The following ARFGAP1 variants were observed in gnomAD, a reference collection of about 807,000 sequenced individuals.
ARFGAP1 encodes the protein ADP-ribosylation factor GTPase-activating protein 1.
Under a neutral mutation model 54.0 loss-of-function variants are expected in ARFGAP1, and 26 were observed. The ratio of observed to expected loss-of-function variants is 0.48; its 90% CI spans 0.35 to 0.67. The LOEUF is 0.67. Among genes scored for constraint, ARFGAP1 ranks in the 30% least tolerant of loss-of-function variants. The probability of loss-of-function intolerance (pLI) is 0.00; values close to 1 mark genes in which losing one functional copy is unlikely to be tolerated. For missense variants in ARFGAP1, 525 were observed against 535.8 expected (o/e 0.98, Z 0.20); for synonymous variants, 248 against 211.9 (o/e 1.17, Z -1.48).
intron 9 of ARFGAP1, chr20:63,283,727 G>A (rs1316071003): frequency 9.5e-7 from 1 of 1,055,656 alleles, no homozygotes; most frequent in Non-Finnish European, 1.4e-6. Flanking sequence ...TTGTGTTGCT[G>A]AGAGCCTGCC....
Position 63,276,632 on chromosome 20 carries a change from C to G in ARFGAP1, c.323C>G (p.Ala108Gly). 6.2e-7 allele frequency: 1 copy of G among 1,611,704 alleles called. No individual in the cohort carries two copies. The highest frequency in any genetic ancestry group is 8.5e-7 in the Non-Finnish European group (1 of 1,178,832). ...CAGGAGAAGTACAACAGCAGAGCCG[C>G]GGCCCTCTTTAGGGATAAGGTAGAG... Reference protein sequence around the residue: ...SLQEKYNSRAAALFRDKVVAL... With the variant: ...SLQEKYNSRAGALFRDKVVAL... The change falls in exon 4 of 13, where the codon GCG becomes GGG. Residue 108 changes from alanine to glycine, a missense_variant. By Grantham distance (60) the Ala-to-Gly change is moderately conservative. Transcript: ENST00000370283. This position sits in a 1 kb window ranked among gnomAD's most constrained non-coding sequence, Gnocchi z 5.2.
At position 63,288,593 on chromosome 20, in the gene ARFGAP1, G is replaced by A. The variant is rs761248815; in HGVS notation, c.*720G>A. 6 of 444,276 alleles carry A rather than the reference G, an allele frequency of 1.4e-5. No individual in the cohort carries two copies. The highest frequency in any genetic ancestry group is 2.3e-5 in the Non-Finnish European group (5 of 218,326). The allele number at this position is 444,276 out of a possible 1,614,324, so 27.5% of individuals were successfully genotyped here. ...TTGACCATCCTGGAACACCCTGGAA[G>A]AAAAAGGAGCGCAGGGTGGGCCCTC... On this transcript the variant is annotated 3_prime_UTR_variant, in exon 13 of 13. Coordinates refer to ENST00000370283, the MANE Select transcript of ARFGAP1 (RefSeq NM_018209.4).
Position 63,284,312 on chromosome 20 carries a change from G to A in ARFGAP1, c.718-554G>A, listed in dbSNP as rs542158625. 2,286 of 1,091,408 alleles carry A rather than the reference G, an allele frequency of 2.1e-3. 2 individuals carry two copies. The highest frequency in any genetic ancestry group is 2.4e-3 in the Non-Finnish European group (2,148 of 894,730). 67.6% of individuals were successfully genotyped at this position (1,091,408 alleles called of 1,614,324 possible). On this transcript the variant is annotated intron_variant, in intron 9 of 12. Coordinates refer to ENST00000370283, the MANE Select transcript of ARFGAP1 (RefSeq NM_018209.4). Reference sequence around the variant, plus strand: ...TTCTTCCCTTTCCGGCCTTTGATCCGTGCTGCTCCCTGCCTTTGGGGGAAG... The same window carrying A: ...TTCTTCCCTTTCCGGCCTTTGATCCATGCTGCTCCCTGCCTTTGGGGGAAG...
At chr20:63,286,480 C>T in intron 12 of ARFGAP1, 38 bp downstream of exon 12, 1 of 1,592,344 alleles carries the variant, frequency 6.3e-7, no homozygotes, top group East Asian at 2.3e-5. Context: ...CATCCCACTC[C>T]CCTGCCTTGG....
chr20:63,276,751 C>T lies in ARFGAP1; in HGVS notation c.342+100C>T, dbSNP rs1344545147. 4 of 1,353,892 alleles carry T rather than the reference C, an allele frequency of 3.0e-6. No individual in the cohort carries two copies. The African/African-American group carries it at 4.4e-5, about 15-fold the overall frequency. 83.9% of individuals were successfully genotyped at this position (1,353,892 alleles called of 1,614,324 possible). A position where few individuals can be genotyped will look rare whatever the true frequency, so the allele number is the denominator to read the frequency against. On this transcript the variant is annotated intron_variant, in intron 4 of 12. Transcript: ENST00000370283. The surrounding 1 kb of genome is among the most constrained non-coding windows in gnomAD (Gnocchi z 5.2). ...TTTAGTGGTTCTGGAGTCGGTTCTT[C>T]TGCTGGTTCTGACACACCCACTGGG...
At chr20:63,284,302 C>T in intron 9 of ARFGAP1, 2 of 1,080,788 alleles carry the variant, frequency 1.9e-6, no homozygotes, top group Admixed American at 4.8e-5. Flanking sequence ...CCCTTTCCGG[C>T]CTTTGATCCG....
At chr20:63,286,160 C>A in intron 11 of ARFGAP1, 2 of 1,550,256 alleles carry the variant, frequency 1.3e-6, no homozygotes, top group Non-Finnish European at 1.7e-6. Flanking sequence ...AGGCTGTCCT[C>A]GCTGCCATGT....
At chr20:63,287,295 T>G (rs1018295735) in intron 12 of ARFGAP1, among the ~76,000 whole-genome samples, 3 of 152,202 alleles carry the variant, frequency 2.0e-5, no homozygotes, top group African/African-American at 7.2e-5. Flanking sequence ...TTGCAGCAGT[T>G]TGGAGCTGGT....
chr20:63,287,434 C>A, intron 12 of ARFGAP1, 130 bp from the exon 13 acceptor site: 2 of 780,588 alleles, frequency 2.6e-6, no homozygotes, highest in Non-Finnish European at 3.9e-6. Context: ...CCTGGTGGGG[C>A]TGCTGTGGAC....
Position 63,276,006 on chromosome 20 carries a change from G to A in ARFGAP1, c.61-85G>A, listed in dbSNP as rs1015639660. On this transcript the variant is annotated intron_variant, in intron 2 of 12. Transcript: ENST00000370283. The surrounding 1 kb of genome is among the most constrained non-coding windows in gnomAD (Gnocchi z 5.2). ...CCACCCTGGGCAGCCCTCTGCATTCGCTCCTTGAGGCCACCTGTCGGGTCT... is the reference window on the plus strand; with the variant it reads ...CCACCCTGGGCAGCCCTCTGCATTCACTCCTTGAGGCCACCTGTCGGGTCT... The A allele has an allele frequency of 1.8e-5, 23 of 1,294,394 alleles. No individual in the cohort carries two copies. The highest frequency in any genetic ancestry group is 1.8e-4 in the African/African-American group (12 of 68,548). 80.2% of individuals were successfully genotyped at this position (1,294,394 alleles called of 1,614,324 possible).
At chr20:63,283,827 C>G in intron 9 of ARFGAP1, 1 of 1,613,574 alleles carries the variant, frequency 6.2e-7, no homozygotes, top group Non-Finnish European at 8.5e-7. Flanking sequence ...CTCTCCTCAC[C>G]TGTCTTCTTG....
chr20:63,279,069 A>G, intron 7 of ARFGAP1, 74 bp downstream of exon 7: 1 of 1,422,352 alleles, frequency 7.0e-7, no homozygotes, highest in Non-Finnish European at 9.8e-7. Context: ...CATAGTGGGC[A>G]GTGTGGCAGT....
At chr20:63,278,792 GGC>G (rs1226705270) in intron 6 of ARFGAP1, 105 bp from the exon 7 acceptor site, 2 of 993,072 alleles carry the variant, frequency 2.0e-6, no homozygotes, top group African/African-American at 3.3e-5. Flanking sequence ...TGGGGACGTT[GGC>G]ACGTCCCCCA....
rs370138920 is a variant in ARFGAP1, at chr20:63,288,398, C to T, written c.*525C>T. 5 of 456,138 alleles carry T rather than the reference C, an allele frequency of 1.1e-5. No individual in the cohort carries two copies. The highest frequency in any genetic ancestry group is 6.9e-5 in the East Asian group (1 of 14,420). The allele number at this position is 456,138 out of a possible 1,614,324, so 28.3% of individuals were successfully genotyped here. On this transcript the variant is annotated 3_prime_UTR_variant, in exon 13 of 13. Coordinates refer to ENST00000370283, the MANE Select transcript of ARFGAP1 (RefSeq NM_018209.4). ...GCTCACGCTGCCATCCGACCACCCT[C>T]GGCTCCCGAGTCCACGCCTGCCTGG...
At chr20:63,274,799 G>A (rs2067192955) in intron 1 of ARFGAP1, among the ~76,000 whole-genome samples, 1 of 152,194 alleles carries the variant, frequency 6.6e-6, no homozygotes, top group Non-Finnish European at 1.5e-5. Flanking sequence ...TCCTGGTCCT[G>A]AATTAGATGG....
Position 63,276,877 on chromosome 20 carries a change from G to T in ARFGAP1, c.342+226G>T. On this transcript the variant is annotated intron_variant, in intron 4 of 12. Transcript: ENST00000370283. The surrounding 1 kb of genome is among the most constrained non-coding windows in gnomAD (Gnocchi z 5.2). ...ACCTTCCCCGCCTCCAGGGGAGAAA[G>T]CAGCTGTGACCGTTTATTGCCTCTG... is the stretch of plus-strand genomic sequence containing the variant. 1.7e-6 allele frequency: 1 copy of T among 572,322 alleles called. No individual in the cohort carries two copies. The highest frequency in any genetic ancestry group is 3.1e-6 in the Non-Finnish European group (1 of 326,892). 35.5% of individuals were successfully genotyped at this position (572,322 alleles called of 1,614,324 possible). A position where few individuals can be genotyped will look rare whatever the true frequency, so the allele number is the denominator to read the frequency against.
rs2067648157 is a variant in ARFGAP1 at position 63,289,211 on chromosome 20, GTCAGAGGCGGGGCA to G, written c.*1347_*1360del. 1 of 152,570 alleles carries G rather than the reference GTCAGAGGCGGGGCA, an allele frequency of 6.6e-6. No individual in the cohort carries two copies. Among genetic ancestry groups the G allele is most frequent in the African/African-American group, 2.4e-5 (1 of 41,452 alleles). The allele number at this position is 152,570 out of a possible 1,614,324, so 9.5% of individuals were successfully genotyped here. On this transcript the variant is annotated 3_prime_UTR_variant, in exon 13 of 13. Coordinates refer to ENST00000370283, the MANE Select transcript of ARFGAP1 (RefSeq NM_018209.4). ...GCCACCTGCTGTAGTTGGACCTGAG[GTCAGAGGCGGGGCA>G]TCAGAGGCTCAAGGTGCTGAGAAGC...
In ARFGAP1 at chr20:63,277,194, C is replaced by T. The variant is rs1416067105; in HGVS notation, c.343-11C>T. 3 of 1,610,254 alleles carry T rather than the reference C, an allele frequency of 1.9e-6. No individual in the cohort carries two copies. Among genetic ancestry groups the T allele is most frequent in the East Asian group, 2.2e-5 (1 of 44,840 alleles). Reference sequence around the variant, plus strand: ...CTTTATGCTCTCGAATGCCCTGTGTCTCCTTGTCAGGTGGTCGCTCTGGCC... The same window carrying T: ...CTTTATGCTCTCGAATGCCCTGTGTTTCCTTGTCAGGTGGTCGCTCTGGCC... On this transcript the variant is annotated splice_polypyrimidine_tract_variant and intron_variant, in intron 4 of 12. Coordinates refer to ENST00000370283, the MANE Select transcript of ARFGAP1 (RefSeq NM_018209.4).
chr20:63,283,889 C>G, intron 9 of ARFGAP1: 2 of 1,613,476 alleles, frequency 1.2e-6, no homozygotes, highest in South Asian at 1.1e-5. Context: ...CGGTAAAGCC[C>G]GTGTCTGCTC....
Sources: gnomAD v4.1 joint callset for allele counts (sites outside exome capture counted in the v4.1 genomes callset) on GRCh38, gnomAD v4.1.1 for gene constraint, Gnocchi (gnomAD v3.1) non-coding constraint, MANE v1.5 for transcripts, NCBI Gene and HGNC (gene_info 2026-07-23, HGNC 2026-07-21) for gene names.